The following SSC4D variants were observed in gnomAD, a reference collection of about 807,000 sequenced individuals.
SSC4D encodes the protein scavenger receptor cysteine rich family member with 4 domains.
Under a neutral mutation model 63.4 loss-of-function variants are expected in SSC4D, and 57 were observed. That is an observed-to-expected ratio of 0.90 (90% CI 0.73 to 1.12). The LOEUF (loss-of-function observed/expected upper bound fraction) is 1.12. SSC4D is among the 50% of genes most tolerant of loss of function. The probability of loss-of-function intolerance (pLI) is 0.00; values close to 1 mark genes in which losing one functional copy is unlikely to be tolerated. For synonymous variants in SSC4D, 352 were observed against 345.4 expected, an observed-to-expected ratio of 1.02 and a Z score of -0.21; for missense variants, 791 against 806.4, an observed-to-expected ratio of 0.98 and a Z score of 0.23.
chr7:76,395,158 A>C (rs1584019293), intron 7 of SSC4D, 95 bp downstream of exon 7: 2 of 1,440,378 alleles, frequency 1.4e-6, no homozygotes, highest in East Asian at 2.3e-5. Context: ...CCTGTTAGCC[A>C]GGGCCCCCGC....
intron 7 of SSC4D, among the ~76,000 whole-genome samples, chr7:76,394,748 A>AT (rs1804590977): frequency 3.4e-4 from 44 of 131,296 alleles, no homozygotes; most frequent in Non-Finnish European, 6.4e-4. Flanking sequence ...ATGTATGTAT[A>AT]ATATATATAT....
chr7:76,390,517 TTAAAG>T, intron 10 of SSC4D, 142 bp from the exon 11 acceptor site: 1 of 781,812 alleles, frequency 1.3e-6, no homozygotes, highest in South Asian at 2.0e-5. Context: ...ACACATGAAA[TTAAAG>T]TAAGATTGGC....
In SSC4D at chr7:76,400,275, G is replaced by A. The variant is rs1199253498; in HGVS notation, c.475+11C>T. ...TCTGTCTGTCCCTCCAGGTCCCAGG[G>A]CTCCACTCACCATCACACAGGACAG... On this transcript the variant is annotated intron_variant, in intron 4 of 10. Coordinates refer to ENST00000275560, the MANE Select transcript of SSC4D (RefSeq NM_080744.2). 1.4e-6 allele frequency: 2 copies of A among 1,454,354 alleles called. No individual in the cohort carries two copies. Among genetic ancestry groups the A allele is most frequent in the South Asian group, 1.5e-5 (1 of 66,972 alleles). The allele number at this position is 1,454,354 out of a possible 1,614,324, so 90.1% of individuals were successfully genotyped here. A position where few individuals can be genotyped will look rare whatever the true frequency, so the allele number is the denominator to read the frequency against.
At position 76,393,447 on chromosome 7, in the gene SSC4D, G is replaced by C; in HGVS notation, c.1291C>G (p.His431Asp). The C allele has an allele frequency of 6.5e-7, 1 of 1,530,312 alleles. No homozygotes were observed. The highest frequency in any genetic ancestry group is 8.7e-7 in the Non-Finnish European group (1 of 1,146,592). 94.8% of individuals were successfully genotyped at this position (1,530,312 alleles called of 1,614,324 possible). A position where few individuals can be genotyped will look rare whatever the true frequency, so the allele number is the denominator to read the frequency against. ...GCGTCCTCGTGGTGGCCGCAGTTGT[G>C]CTGGCCCCAGCCCAGGTGGAAGCAG... ...SDCFHLGWGQ[H>D]NCGHHEDAGA... The change falls in exon 9 of 11, where the codon CAC becomes GAC. Residue 431 changes from histidine (H) to aspartate (D), a missense_variant. Physicochemically the swap from His to Asp is moderately conservative, Grantham distance 81 (BLOSUM62 -1). Coordinates refer to ENST00000275560, the MANE Select transcript of SSC4D (RefSeq NM_080744.2).
Position 76,397,714 on chromosome 7 carries a change from A to G in SSC4D, c.672T>C (p.Ala224=), listed in dbSNP as rs752540133. ...CDDDWGLPDA[A]VVCRQLGCGA... Reference sequence around the variant, plus strand: ...CGCAGCCCAGCTGACGACAGACCACAGCGGCATCCGGCAGCCCCCAGTCGT... The same window carrying G: ...CGCAGCCCAGCTGACGACAGACCACGGCGGCATCCGGCAGCCCCCAGTCGT... Residue 224 remains alanine, a synonymous_variant, in exon 6 of 11, where the codon GCT becomes GCC. Transcript: ENST00000275560. 6.2e-7 allele frequency: 1 copy of G among 1,613,394 alleles called. No homozygotes were observed. The highest frequency in any genetic ancestry group is 8.5e-7 in the Non-Finnish European group (1 of 1,179,854).
chr7:76,403,786 T>C (rs777705518), intron 2 of SSC4D, among the ~76,000 whole-genome samples: 27 of 151,954 alleles, frequency 1.8e-4, no homozygotes, highest in Admixed American at 2.6e-4. Flanking sequence ...CTCAGCCTCC[T>C]GAGTAGCTGG....
intron 9 of SSC4D, 29 bp downstream of exon 9, chr7:76,393,376 G>C (rs755944641): frequency 1.5e-6 from 2 of 1,322,028 alleles, no homozygotes; most frequent in Non-Finnish European, 9.7e-7. Context: ...CGGCCCCGCT[G>C]TCAGCCTCAC....
chr7:76,390,771 C>G (rs1470023152), intron 10 of SSC4D, among the ~76,000 whole-genome samples: 2 of 151,786 alleles, frequency 1.3e-5, no homozygotes, highest in African/African-American at 4.8e-5. Context: ...GAGCCGAGAT[C>G]GTGCCACTGC....
rs147783985 is a variant in SSC4D, at chr7:76,400,536, G to A, written c.225C>T (p.His75=). 1,197 of 1,556,612 alleles carry A rather than the reference G, an allele frequency of 7.7e-4. 4 individuals carry two copies. In the Middle Eastern group the frequency reaches 0.015, roughly 19 times the overall value. Residue 75 remains histidine (H), a synonymous_variant, in exon 4 of 11, where the codon CAC becomes CAT. Coordinates refer to ENST00000275560, the MANE Select transcript of SSC4D (RefSeq NM_080744.2). ...CACAGACGCTGCCCCAGGAGCCACC[G>A]TGCATGACTTCCAGGCGGCCCCGGC... The part of the protein sequence containing the change: ...SRCRGRLEVM[H]GGSWGSVCDD...
chr7:76,390,265 C>G lies in SSC4D; in HGVS notation c.1522G>C (p.Gly508Arg). 10 of 1,613,962 alleles carry G rather than the reference C, an allele frequency of 6.2e-6. No homozygotes were observed. Among genetic ancestry groups the G allele is most frequent in the Non-Finnish European group, 7.6e-6 (9 of 1,179,946 alleles). The change falls in exon 11 of 11, where the codon GGT (glycine) becomes CGT (arginine). Residue 508 changes from glycine to arginine, a missense_variant. By Grantham distance (125) the Gly-to-Arg change is moderately radical. Transcript: ENST00000275560. ...CDDAWDLRAA[G>R]VLCRQLGCGQ... ...CAGCCCAGCTGGCGGCACAGGACACCGGCTGCCCGCAGGTCCCAAGCATCA... is the reference window on the plus strand; with the variant it reads ...CAGCCCAGCTGGCGGCACAGGACACGGGCTGCCCGCAGGTCCCAAGCATCA...
chr7:76,398,694 G>T, intron 5 of SSC4D, 26 bp downstream of exon 5: 1 of 1,610,970 alleles, frequency 6.2e-7, no homozygotes, highest in African/African-American at 1.3e-5. Flanking sequence ...CAAAACCCAG[G>T]TGGTGCCCAC....
At chr7:76,391,072 G>A (rs1353028735) in intron 10 of SSC4D, among the ~76,000 whole-genome samples, 1 of 152,134 alleles carries the variant, frequency 6.6e-6, no homozygotes, top group Non-Finnish European at 1.5e-5. Flanking sequence ...GGAGGTCCAG[G>A]CTGCAGTGGC....
intron 2 of SSC4D, among the ~76,000 whole-genome samples, chr7:76,403,301 G>A (rs1265044133): frequency 6.6e-6 from 1 of 152,058 alleles, no homozygotes; most frequent in Non-Finnish European, 1.5e-5. Context: ...CCTGCAGCCT[G>A]TACTTGTGTA....
chr7:76,390,376 CTGTGGGG>C lies in SSC4D; in HGVS notation c.1412-8_1412-2del, dbSNP rs2115731875. 1 of 1,575,218 alleles carries C rather than the reference CTGTGGGG, an allele frequency of 6.3e-7. No homozygotes were observed. Among genetic ancestry groups the C allele is most frequent in the East Asian group, 2.2e-5 (1 of 44,534 alleles). On this transcript the variant is annotated splice_acceptor_variant and splice_polypyrimidine_tract_variant and intron_variant, in intron 10 of 10. Transcript: ENST00000275560. LOFTEE classifies it high-confidence loss of function. ...GCTCCATTGACCAGACGTAGATGCC[CTGTGGGG>C]GGACAGGGCTGGGTTGGAAGGGGCT... is the stretch of plus-strand genomic sequence containing the variant.
Position 76,404,418 on chromosome 7 carries a change from G to C in SSC4D, c.22C>G (p.Leu8Val). Residue 8 changes from leucine (L) to valine (V), a missense_variant, in exon 2 of 11, where the codon CTA becomes GTA. Transcript: ENST00000275560. ...TTCTCATCCAGCTGGGGACCAATTA[G>C]CATCTCTGCTTCCTTGTGCATCTAG... Reference protein sequence around the residue: MHKEAEMLIGPQLDEKRW... With the variant: MHKEAEMVIGPQLDEKRW... The C allele has an allele frequency of 6.2e-7, 1 of 1,614,088 alleles. No individual in the cohort carries two copies. Among genetic ancestry groups the C allele is most frequent in the Non-Finnish European group, 8.5e-7 (1 of 1,180,018 alleles).
intron 4 of SSC4D, among the ~76,000 whole-genome samples, chr7:76,399,417 C>T (rs1804741823): frequency 1.3e-5 from 2 of 152,142 alleles, no homozygotes; most frequent in Admixed American, 1.3e-4. Flanking sequence ...GGGATTGGGC[C>T]TCAATCTGTG....
chr7:76,408,545 C>G (rs2115824933), intron 1 of SSC4D, among the ~76,000 whole-genome samples: 1 of 152,280 alleles, frequency 6.6e-6, no homozygotes, highest in South Asian at 2.1e-4. Flanking sequence ...GGACAGGCAA[C>G]TTCCAGAGAC....
At position 76,392,224 on chromosome 7, in the gene SSC4D, T is replaced by C. The variant is rs1037529725; in HGVS notation, c.1334-183A>G. 4.6e-5 allele frequency among the ~76,000 whole-genome samples: 7 copies of C among 152,150 alleles called. No homozygotes were observed. The East Asian group carries it at 1.3e-3, about 29-fold the overall frequency. On this transcript the variant is annotated intron_variant, in intron 9 of 10. Coordinates refer to ENST00000275560, the MANE Select transcript of SSC4D (RefSeq NM_080744.2). ...GGGTTGTGTCACTGAGTGGGTGCAGTGGCTCACACCTGTAGTCCCAGCACT... is the reference window on the plus strand; with the variant it reads ...GGGTTGTGTCACTGAGTGGGTGCAGCGGCTCACACCTGTAGTCCCAGCACT...
At chr7:76,393,285 G>C in intron 9 of SSC4D, 120 bp downstream of exon 9, 1 of 1,085,176 alleles carries the variant, frequency 9.2e-7, no homozygotes, top group Non-Finnish European at 1.2e-6. Flanking sequence ...CCTCTGCGGA[G>C]TGCGCATGCT....
Sources: allele counts gnomAD v4.1 joint callset (sites outside exome capture counted in the v4.1 genomes callset), GRCh38; gene constraint gnomAD v4.1.1; transcripts MANE v1.5; gene names NCBI Gene and HGNC (gene_info 2026-07-23, HGNC 2026-07-21).